The following GORAB variants were observed in gnomAD, a reference collection of about 807,000 sequenced individuals.
GORAB encodes the protein golgin, RAB6 interacting.
A neutral mutation model predicts 29.9 loss-of-function variants in GORAB; 17 were observed. The ratio of observed to expected loss-of-function variants is 0.57; its 90% CI spans 0.39 to 0.85. The LOEUF (loss-of-function observed/expected upper bound fraction) is 0.85, where lower values mean the gene tolerates loss of function less well. Ranked by LOEUF, GORAB falls within the 40% of genes least tolerant of loss-of-function variation. The pLI is 0.00. For synonymous variants in GORAB, 183 were observed against 157.2 expected, an observed-to-expected ratio of 1.16 and a Z score of -1.23; for missense variants, 442 against 437.8, an observed-to-expected ratio of 1.01 and a Z score of -0.09.
chr1:170,540,086 T>C (rs908735929), intron 2 of GORAB, among the ~76,000 whole-genome samples: 1 of 151,976 alleles, frequency 6.6e-6, no homozygotes, highest in Non-Finnish European at 1.5e-5. Flanking sequence ...ATTGACCCCT[T>C]TTTTCAACTT....
chr1:170,544,501 CT>C (rs1649633040), intron 3 of GORAB: 1 of 463,052 alleles, frequency 2.2e-6, no homozygotes, highest in African/African-American at 2.0e-5. Flanking sequence ...TTATTTGTTA[CT>C]TTATGAAACA....
chr1:170,533,516 A>G, intron 1 of GORAB: 1 of 453,024 alleles, frequency 2.2e-6, no homozygotes, highest in Non-Finnish European at 4.5e-6. Context: ...TGAGGAGACA[A>G]ACCACAAAGT....
chr1:170,551,351 C>G (rs1650091046), intron 4 of GORAB, among the ~76,000 whole-genome samples: 1 of 152,180 alleles, frequency 6.6e-6, no homozygotes, highest in South Asian at 2.1e-4. Flanking sequence ...CTGAGGTTTT[C>G]TACTTGATGT....
chr1:170,547,668 G>A (rs1000358494), intron 4 of GORAB, among the ~76,000 whole-genome samples: 1 of 152,020 alleles, frequency 6.6e-6, no homozygotes, highest in Non-Finnish European at 1.5e-5. Context: ...AGATTAAAAG[G>A]GATTGTGTAA....
chr1:170,546,748 G>A (rs1249352813), intron 4 of GORAB, among the ~76,000 whole-genome samples: 1 of 152,008 alleles, frequency 6.6e-6, no homozygotes. Context: ...GCAGTGGTGC[G>A]ATTTTGGCTC....
rs1168867742 is a variant in GORAB at position 170,552,445 on chromosome 1, G to T, written c.1093G>T (p.Ala365Ser). Residue 365 changes from alanine to serine, a missense_variant, in exon 5 of 5, where the codon GCT becomes TCT. Physicochemically the swap from Ala to Ser is moderately conservative, Grantham distance 99. Transcript: ENST00000367763. ...AAATCAAGAAGGTAATGACATTTCA[G>T]CTGCTTTGGCCACATGAAGTTCTGG... ...CPNQEGNDIS[A>S]ALAT 1 of 1,613,736 alleles carries T rather than the reference G, an allele frequency of 6.2e-7. No homozygotes were observed. The highest frequency in any genetic ancestry group is 1.1e-5 in the South Asian group (1 of 91,058).
intron 1 of GORAB, chr1:170,538,947 T>C: frequency 2.1e-6 from 1 of 486,276 alleles, no homozygotes; most frequent in Non-Finnish European, 3.6e-6. Flanking sequence ...CTTTGTGACC[T>C]AAGGCCTAAC....
At chr1:170,545,242 C>T in intron 4 of GORAB, 9 of 995,464 alleles carry the variant, frequency 9.0e-6, no homozygotes, top group Non-Finnish European at 1.1e-5. Flanking sequence ...TTTTTGATAT[C>T]TGATATAGTC....
chr1:170,545,172 T>C lies in GORAB; in HGVS notation c.662+327T>C, dbSNP rs955330614. The C allele has an allele frequency of 5.8e-6, 6 of 1,026,902 alleles. No individual in the cohort carries two copies. The South Asian group carries it at 2.5e-4, about 43-fold the overall frequency. The allele number at this position is 1,026,902 out of a possible 1,614,324, so 63.6% of individuals were successfully genotyped here. A position where few individuals can be genotyped will look rare whatever the true frequency, so the allele number is the denominator to read the frequency against. On this transcript the variant is annotated intron_variant, in intron 4 of 4. Coordinates refer to ENST00000367763, the MANE Select transcript of GORAB (RefSeq NM_152281.3). ...CTTTCAGCATCTAGCAAAGTAAATA[T>C]CTGAGTGGTTTCGCCAAAACTGTTA... is the stretch of plus-strand genomic sequence containing the variant.
chr1:170,545,691 G>C (rs947082956), intron 4 of GORAB: 1 of 984,016 alleles, frequency 1.0e-6, no homozygotes, highest in Admixed American at 6.2e-5. Context: ...TGCCTCATTA[G>C]GCCAGGGTAA....
chr1:170,534,785 G>C (rs932562253), intron 1 of GORAB, among the ~76,000 whole-genome samples: 2 of 152,080 alleles, frequency 1.3e-5, no homozygotes, highest in African/African-American at 4.8e-5. Flanking sequence ...TCTGATGTTT[G>C]CGCAAGGACA....
chr1:170,545,034 A>G (rs1468625870), intron 4 of GORAB, 189 bp downstream of exon 4: 79 of 1,317,910 alleles, frequency 6.0e-5, no homozygotes, highest in African/African-American at 1.0e-4. Flanking sequence ...ACTCTGCCCT[A>G]CTAGTTAACC....
rs545864902 is a variant in GORAB, at chr1:170,538,524, C to T, written c.62-686C>T. On this transcript the variant is annotated intron_variant, in intron 1 of 4. Transcript: ENST00000367763. Reference sequence around the variant, plus strand: ...ATTATTTATAACTTTAAAGATATTTCCCCCCAGTTGTTTTATCTTCTATTG... The same window carrying T: ...ATTATTTATAACTTTAAAGATATTTTCCCCCAGTTGTTTTATCTTCTATTG... Among the ~76,000 whole-genome samples, 18 of 152,208 alleles carry T rather than the reference C, an allele frequency of 1.2e-4. No individual in the cohort carries two copies. The East Asian group carries it at 2.9e-3, about 24-fold the overall frequency.
At position 170,539,343 on chromosome 1, in the gene GORAB, G is replaced by A. The variant is rs1649257624; in HGVS notation, c.195G>A (p.Leu65=). The change falls in exon 2 of 5, where the codon CTG becomes CTA. Residue 65 remains leucine, a synonymous_variant. Transcript: ENST00000367763. ...CAACCTCATTACTTCCAGAGCAGCT[G>A]CTTTCAGCACCAAAACAGAGAGTTA... ...DGSTSLLPEQ[L]LSAPKQRVNV... The A allele has an allele frequency of 6.2e-7, 1 of 1,614,182 alleles. No homozygotes were observed. Among genetic ancestry groups the A allele is most frequent in the East Asian group, 2.2e-5 (1 of 44,880 alleles).
chr1:170,547,499 T>C (rs1421389951), intron 4 of GORAB, among the ~76,000 whole-genome samples: 12 of 152,174 alleles, frequency 7.9e-5, no homozygotes, highest in Non-Finnish European at 1.6e-4. Context: ...TGTTGCCATA[T>C]GCTGTGCAGA....
intron 2 of GORAB, among the ~76,000 whole-genome samples, chr1:170,541,006 A>G (rs1407321378): frequency 6.6e-6 from 1 of 152,054 alleles, no homozygotes; most frequent in East Asian, 1.9e-4. Context: ...AGTTGAAACC[A>G]GCTTGGCCAA....
Position 170,542,572 on chromosome 1 carries a change from G to A in GORAB, c.501G>A (p.Leu167=), listed in dbSNP as rs1222495303. ...EEKNKRKKAL[L]AKAIAERSKR... is the part of the protein sequence containing the mutation. ...AAAATAAACGTAAAAAAGCTCTTTT[G>A]GCTAAAGCTATTGCAGAAAGGTGAG... is the stretch of plus-strand genomic sequence containing the variant. Residue 167 remains leucine, a synonymous_variant, in exon 3 of 5, where the codon TTG becomes TTA. Transcript: ENST00000367763. 6.2e-7 allele frequency: 1 copy of A among 1,613,206 alleles called. No homozygotes were observed. Among genetic ancestry groups the A allele is most frequent in the Admixed American group, 1.7e-5 (1 of 60,020 alleles).
chr1:170,542,457 A>G lies in GORAB; in HGVS notation c.420-34A>G, dbSNP rs779762277. On this transcript the variant is annotated intron_variant, in intron 2 of 4. Coordinates refer to ENST00000367763, the MANE Select transcript of GORAB (RefSeq NM_152281.3). The stretch of plus-strand genomic sequence containing the variant: ...TAGGGTAGCAGTTTCTTTTTCTTTC[A>G]TAAACTCATTTTTATGCTTTTTTTG... 44 of 1,375,286 alleles carry G rather than the reference A, an allele frequency of 3.2e-5. No homozygotes were observed. In the Admixed American group the frequency reaches 7.2e-4, roughly 23 times the overall value. The allele number at this position is 1,375,286 out of a possible 1,614,324, so 85.2% of individuals were successfully genotyped here.
intron 1 of GORAB, among the ~76,000 whole-genome samples, chr1:170,533,970 G>A (rs1648881367): frequency 1.3e-5 from 2 of 152,110 alleles, no homozygotes; most frequent in Admixed American, 1.3e-4. Context: ...GCCATTTCTA[G>A]CTGTTCTCTA....
Sources: gnomAD v4.1 joint callset for allele counts (sites outside exome capture counted in the v4.1 genomes callset) on GRCh38, gnomAD v4.1.1 for gene constraint, MANE v1.5 for transcripts, NCBI Gene and HGNC (gene_info 2026-07-23, HGNC 2026-07-21) for gene names.